Variants in DOCK1 observed in about 807,000 individuals in gnomAD.
The protein encoded by DOCK1 is dedicator of cytokinesis protein 1.
Under a neutral mutation model 262.7 loss-of-function variants are expected in DOCK1, and 138 were observed. That is an observed-to-expected ratio of 0.53 (90% confidence interval 0.46 to 0.61). DOCK1 has a LOEUF of 0.61. Ranked by LOEUF, DOCK1 falls within the 20% of genes least tolerant of loss-of-function variation. DOCK1 has a pLI of 0.00. For missense variants in DOCK1, 1,908 were observed against 2,370.7 expected (o/e 0.80, Z 4.05); for synonymous variants, 866 against 867.4 (o/e 1.00, Z 0.03).
intron 10 of DOCK1, among the ~76,000 whole-genome samples, chr10:127,007,915 T>A (rs974727827): frequency 6.6e-6 from 1 of 152,124 alleles, no homozygotes; most frequent in African/African-American, 2.4e-5. Flanking sequence ...CAGCATGTGG[T>A]GGGTGCTTGG....
chr10:127,360,622 A>T (rs1158361612), intron 32 of DOCK1, among the ~76,000 whole-genome samples: 4 of 152,220 alleles, frequency 2.6e-5, no homozygotes, highest in Non-Finnish European at 5.9e-5. Context: ...AACGATGGAA[A>T]ATGACAGATC....
At chr10:127,202,508 G>A (rs1223803314) in intron 27 of DOCK1, among the ~76,000 whole-genome samples, 1 of 152,068 alleles carries the variant, frequency 6.6e-6, no homozygotes, top group East Asian at 1.9e-4. Context: ...TCTCCCAGCT[G>A]GGGGGTGTAG....
intron 27 of DOCK1, among the ~76,000 whole-genome samples, chr10:127,236,615 TATA>T (rs1484728340): frequency 1.3e-5 from 2 of 151,504 alleles, no homozygotes; most frequent in Non-Finnish European, 2.9e-5. Context: ...TCTGTAGTTT[TATA>T]ATAAGTCTTA....
chr10:127,444,871 C>T (rs1487882126), intron 50 of DOCK1, among the ~76,000 whole-genome samples: 1 of 151,932 alleles, frequency 6.6e-6, no homozygotes, highest in Non-Finnish European at 1.5e-5. Flanking sequence ...CTTCTGGTGG[C>T]TCCCAGCAGT....
intron 27 of DOCK1, among the ~76,000 whole-genome samples, chr10:127,157,038 T>C (rs1186240572): frequency 1.3e-5 from 2 of 152,248 alleles, no homozygotes; most frequent in East Asian, 1.9e-4. Context: ...ATGGAGTCCT[T>C]GTCCTCACAA....
At chr10:126,959,839 C>G (rs1304025179) in intron 1 of DOCK1, among the ~76,000 whole-genome samples, 1 of 151,194 alleles carries the variant, frequency 6.6e-6, no homozygotes, top group African/African-American at 2.4e-5. Flanking sequence ...TTTTTTGAGT[C>G]GGAGTTTTGC....
chr10:126,914,569 T>C lies in DOCK1; in HGVS notation c.46+9006T>C, dbSNP rs73382549. On this transcript the variant is annotated intron_variant, in intron 1 of 51. Transcript: ENST00000623213. ...AGGTCTAGCTAATTAAAAAAAACTTTTTTAAGGAGATTGGGAGAGGGTCTT... is the reference window on the plus strand; with the variant it reads ...AGGTCTAGCTAATTAAAAAAAACTTCTTTAAGGAGATTGGGAGAGGGTCTT... Among the ~76,000 whole-genome samples the C allele has an allele frequency of 8.3e-3, 1,256 of 152,164 alleles. 15 individuals are homozygous for C. The highest frequency in any genetic ancestry group is 0.028 in the African/African-American group (1,180 of 41,532).
rs1309589979 is a variant in DOCK1 at position 127,169,196 on chromosome 10, TAC to T, written c.2847+41440_2847+41441del. 2.0e-5 allele frequency among the ~76,000 whole-genome samples: 3 copies of T among 152,344 alleles called. No individual in the cohort carries two copies. The East Asian group carries it at 5.8e-4, about 29-fold the overall frequency. The stretch of plus-strand genomic sequence containing the variant: ...ATACATATTAGGTATATGTGTGTCA[TAC>T]ACACACAGAGTTCCAAAGCAGGACC... On this transcript the variant is annotated intron_variant, in intron 27 of 51. Coordinates refer to ENST00000623213, the MANE Select transcript of DOCK1 (RefSeq NM_001290223.2).
intron 1 of DOCK1, among the ~76,000 whole-genome samples, chr10:126,948,549 A>T (rs975328310): frequency 2.6e-5 from 4 of 151,730 alleles, no homozygotes. Context: ...CCTCTTTTTT[A>T]CGTGGGGTGG....
chr10:127,326,486 A>T (rs2062753889), intron 29 of DOCK1, among the ~76,000 whole-genome samples: 1 of 152,210 alleles, frequency 6.6e-6, no homozygotes, highest in Admixed American at 6.5e-5. Flanking sequence ...AAGTTGTATC[A>T]TGAGATTGCA....
chr10:126,912,354 T>A (rs1357191949), intron 1 of DOCK1, among the ~76,000 whole-genome samples: 13 of 138,316 alleles, frequency 9.4e-5, no homozygotes, highest in Admixed American at 6.5e-4. Flanking sequence ...CACTGGAACC[T>A]CGGAGGCGGA....
chr10:127,161,034 A>G (rs1481786649), intron 27 of DOCK1, among the ~76,000 whole-genome samples: 6 of 152,224 alleles, frequency 3.9e-5, no homozygotes, highest in African/African-American at 1.4e-4. Context: ...TAGTAAAGGC[A>G]CTGTTTTCAG....
intron 29 of DOCK1, among the ~76,000 whole-genome samples, chr10:127,282,318 C>T (rs967565859): frequency 1.8e-4 from 28 of 152,056 alleles, no homozygotes; most frequent in Non-Finnish European, 3.8e-4. Context: ...GTCCCAAAAG[C>T]TAAACCATTG....
At chr10:127,269,736 G>A (rs1018251941) in intron 29 of DOCK1, among the ~76,000 whole-genome samples, 2 of 152,164 alleles carry the variant, frequency 1.3e-5, no homozygotes, top group Non-Finnish European at 2.9e-5. Flanking sequence ...GATTCAGGGG[G>A]GTTGAATGAG....
chr10:126,981,464 C>G (rs942636899), intron 3 of DOCK1, among the ~76,000 whole-genome samples: 1 of 152,172 alleles, frequency 6.6e-6, no homozygotes, highest in African/African-American at 2.4e-5. Flanking sequence ...AGAGGGCCCC[C>G]CTGTTGGGGA....
intron 29 of DOCK1, among the ~76,000 whole-genome samples, chr10:127,311,412 T>C (rs1053811873): frequency 6.6e-6 from 1 of 152,232 alleles, no homozygotes; most frequent in Admixed American, 6.5e-5. Flanking sequence ...CTTTATGCAG[T>C]ACACTTAGGG....
chr10:127,185,882 C>A lies in DOCK1; in HGVS notation c.2847+58118C>A, dbSNP rs908596257. Among the ~76,000 whole-genome samples, 8 of 152,260 alleles carry A rather than the reference C, an allele frequency of 5.3e-5. No homozygotes were observed. In the South Asian group the frequency reaches 8.3e-4, roughly 16 times the overall value. On this transcript the variant is annotated intron_variant, in intron 27 of 51. Coordinates refer to ENST00000623213, the MANE Select transcript of DOCK1 (RefSeq NM_001290223.2). ...GGTACAGGTTCTATATTTAACCATGCAGTATATTGGGGCCCCATACTGTTG... is the reference window on the plus strand; with the variant it reads ...GGTACAGGTTCTATATTTAACCATGAAGTATATTGGGGCCCCATACTGTTG...
chr10:126,951,434 T>TTGTTGGTAG (rs1227470487), intron 1 of DOCK1, among the ~76,000 whole-genome samples: 3 of 151,518 alleles, frequency 2.0e-5, no homozygotes, highest in African/African-American at 7.3e-5. Flanking sequence ...GGTGGTAGTA[T>TTGTTGGTAG]TGTTGGTAGT....
At chr10:127,081,604 A>G (rs1452841822) in intron 23 of DOCK1, among the ~76,000 whole-genome samples, 1 of 152,012 alleles carries the variant, frequency 6.6e-6, no homozygotes, top group Non-Finnish European at 1.5e-5. Context: ...ATAAGCAAAT[A>G]ACCTTAGTTG....
Sources: allele counts gnomAD v4.1 joint callset (sites outside exome capture counted in the v4.1 genomes callset), GRCh38; gene constraint gnomAD v4.1.1; transcripts MANE v1.5; gene names NCBI Gene and HGNC (gene_info 2026-07-23, HGNC 2026-07-21).